The following KCTD16 variants were observed in gnomAD, a reference collection of about 807,000 sequenced individuals.
The protein encoded by KCTD16 is potassium channel tetramerization domain containing 16, also known as BTB/POZ domain-containing protein KCTD16.
In KCTD16, 13 loss-of-function variants were observed where a neutral mutation model predicts 33.2. That is an observed-to-expected ratio of 0.39 (90% CI 0.25 to 0.62). KCTD16 has a LOEUF of 0.62. Ranked by LOEUF, KCTD16 falls within the 20% of genes least tolerant of loss-of-function variation. The pLI is 0.50. For missense variants in KCTD16, 441 were observed against 525.1 expected, an observed-to-expected ratio of 0.84 and a Z score of 1.57; for synonymous variants, 197 against 195.3, an observed-to-expected ratio of 1.01 and a Z score of -0.07.
chr5:144,301,487 G>A (rs1223363108), intron 3 of KCTD16, among the ~76,000 whole-genome samples: 2 of 152,124 alleles, frequency 1.3e-5, no homozygotes, highest in Non-Finnish European at 2.9e-5. Context: ...AAAACTCTAA[G>A]CTCCTTGTGT....
At chr5:144,463,463 G>T (rs901920748) in intron 3 of KCTD16, among the ~76,000 whole-genome samples, 2 of 152,026 alleles carry the variant, frequency 1.3e-5, no homozygotes, top group African/African-American at 4.8e-5. Flanking sequence ...TCATCATGCT[G>T]TGGACAAATC....
At chr5:144,417,854 CTGGAATTGGTTCCTTCCTG>C (rs1171034680) in intron 3 of KCTD16, among the ~76,000 whole-genome samples, 18 of 152,106 alleles carry the variant, frequency 1.2e-4, no homozygotes, top group Admixed American at 6.6e-5. Flanking sequence ...GAAGATGTGT[CTGGAATTGGTTCCTTCCTG>C]TGGATTCCTG....
At position 144,216,971 on chromosome 5, in the gene KCTD16, T is replaced by A. The variant is rs144300609; in HGVS notation, c.832+9425T>A. ...AAGGACAGCTAAGCTCTGGTAGTGGTAACTTTTTTGTAAAGGGGACTCTGG... is the reference window on the plus strand; with the variant it reads ...AAGGACAGCTAAGCTCTGGTAGTGGAAACTTTTTTGTAAAGGGGACTCTGG... On this transcript the variant is annotated intron_variant, in intron 3 of 3. Coordinates refer to ENST00000512467, the MANE Select transcript of KCTD16 (RefSeq NM_020768.4). Among the ~76,000 whole-genome samples the A allele has an allele frequency of 4.6e-5, 7 of 152,098 alleles. No individual in the cohort carries two copies. In the East Asian group the frequency reaches 1.4e-3, roughly 29 times the overall value.
At chr5:144,299,455 AT>A (rs1400911686) in intron 3 of KCTD16, among the ~76,000 whole-genome samples, 1 of 151,908 alleles carries the variant, frequency 6.6e-6, no homozygotes, top group Admixed American at 6.6e-5. Context: ...TCTTTCATTC[AT>A]CTAATACTGT....
chr5:144,222,855 C>T (rs570450909), intron 3 of KCTD16, among the ~76,000 whole-genome samples: 12 of 152,234 alleles, frequency 7.9e-5, no homozygotes, highest in African/African-American at 1.2e-4. Flanking sequence ...ATGTTTACTG[C>T]GGCGCTGTTC....
At chr5:144,171,567 C>A (rs1171010119) in intron 1 of KCTD16, among the ~76,000 whole-genome samples, 1 of 152,164 alleles carries the variant, frequency 6.6e-6, no homozygotes, top group African/African-American at 2.4e-5. Flanking sequence ...AGTACTCCCC[C>A]CAACCAACCA....
chr5:144,382,088 C>A (rs1752228950), intron 3 of KCTD16, among the ~76,000 whole-genome samples: 2 of 152,024 alleles, frequency 1.3e-5, no homozygotes, highest in South Asian at 4.1e-4. Flanking sequence ...GAAATCATGC[C>A]TTTTGCAGCA....
intron 3 of KCTD16, among the ~76,000 whole-genome samples, chr5:144,266,466 C>A (rs941930065): frequency 2.6e-5 from 4 of 152,200 alleles, no homozygotes. Flanking sequence ...ATTTGTTCAC[C>A]AGAATTTGCA....
chr5:144,216,361 G>A (rs1024740641), intron 3 of KCTD16, among the ~76,000 whole-genome samples: 4 of 152,144 alleles, frequency 2.6e-5, no homozygotes, highest in East Asian at 1.9e-4. Context: ...AAACTGCCCC[G>A]TGTGAAGAAA....
At chr5:144,454,055 A>G (rs1455760022) in intron 3 of KCTD16, among the ~76,000 whole-genome samples, 1 of 152,212 alleles carries the variant, frequency 6.6e-6, no homozygotes, top group Non-Finnish European at 1.5e-5. Flanking sequence ...GAGAAAGTTG[A>G]CACCACATTT....
At chr5:144,276,898 G>C (rs1251249430) in intron 3 of KCTD16, among the ~76,000 whole-genome samples, 2 of 136,980 alleles carry the variant, frequency 1.5e-5, no homozygotes, top group Non-Finnish European at 3.2e-5. Context: ...GTGAAACCCT[G>C]TCTAAAAAAA....
intron 3 of KCTD16, 109 bp from the exon 4 acceptor site, chr5:144,473,550 GT>G (rs1239282993): frequency 8.7e-7 from 1 of 1,143,824 alleles, no homozygotes; most frequent in African/African-American, 1.6e-5. Context: ...TAAAAGCATG[GT>G]TCTGCGATGC....
chr5:144,281,995 T>C (rs1755620790), intron 3 of KCTD16, among the ~76,000 whole-genome samples: 1 of 152,254 alleles, frequency 6.6e-6, no homozygotes, highest in Non-Finnish European at 1.5e-5. Flanking sequence ...GGTCTTTCTC[T>C]TAGTTTTCTG....
At chr5:144,357,386 G>T (rs1368841055) in intron 3 of KCTD16, among the ~76,000 whole-genome samples, 1 of 152,152 alleles carries the variant, frequency 6.6e-6, no homozygotes, top group Non-Finnish European at 1.5e-5. Context: ...TCTGGGTGTT[G>T]CTCCAGAATA....
intron 3 of KCTD16, among the ~76,000 whole-genome samples, chr5:144,335,751 G>A (rs769105984): frequency 6.6e-6 from 1 of 152,178 alleles, no homozygotes; most frequent in Non-Finnish European, 1.5e-5. Context: ...TATGTAGTGT[G>A]AGCAAAGCTC....
chr5:144,268,359 A>G (rs1755203824), intron 3 of KCTD16, among the ~76,000 whole-genome samples: 1 of 152,158 alleles, frequency 6.6e-6, no homozygotes, highest in Non-Finnish European at 1.5e-5. Context: ...GGTGACCTCT[A>G]AGGGATTTAA....
chr5:144,465,603 T>A (rs1754311620), intron 3 of KCTD16, among the ~76,000 whole-genome samples: 1 of 151,890 alleles, frequency 6.6e-6, no homozygotes, highest in Non-Finnish European at 1.5e-5. Context: ...TGCATGAGCA[T>A]CCTGATTGGC....
chr5:144,361,636 G>C (rs754417760), intron 3 of KCTD16, among the ~76,000 whole-genome samples: 2 of 152,070 alleles, frequency 1.3e-5, no homozygotes, highest in Non-Finnish European at 2.9e-5. Flanking sequence ...CAATCCTTTT[G>C]GGGTATAGAA....
chr5:144,320,383 G>T lies in KCTD16; in HGVS notation c.832+112837G>T, dbSNP rs563369123. On this transcript the variant is annotated intron_variant, in intron 3 of 3. Transcript: ENST00000512467. Reference sequence around the variant, plus strand: ...CCCTCTGTGACTGCGGAATTACTTGGCAAAGAAAGAAAAGCTCTTTGGGGA... The same window carrying T: ...CCCTCTGTGACTGCGGAATTACTTGTCAAAGAAAGAAAAGCTCTTTGGGGA... Among the ~76,000 whole-genome samples the T allele has an allele frequency of 3.3e-5, 5 of 152,176 alleles. No homozygotes were observed. The South Asian group carries it at 1.0e-3, about 32-fold the overall frequency.
Sources: allele counts gnomAD v4.1 joint callset (sites outside exome capture counted in the v4.1 genomes callset), GRCh38; gene constraint gnomAD v4.1.1; transcripts MANE v1.5; gene names NCBI Gene and HGNC (gene_info 2026-07-23, HGNC 2026-07-21).